The following PCDHA5 variants were observed in gnomAD, a reference collection of about 807,000 sequenced individuals.
The protein encoded by PCDHA5 is protocadherin alpha-5.
Under a neutral mutation model 61.6 loss-of-function variants are expected in PCDHA5, and 43 were observed. The ratio of observed to expected loss-of-function variants is 0.70; its 90% CI spans 0.55 to 0.90. The LOEUF (loss-of-function observed/expected upper bound fraction) is 0.90, where lower values mean the gene tolerates loss of function less well. Among genes scored for constraint, PCDHA5 ranks in the 40% least tolerant of loss-of-function variants. The probability of loss-of-function intolerance (pLI) is 0.00; values close to 1 mark genes in which losing one functional copy is unlikely to be tolerated. For missense variants in PCDHA5, 1,298 were observed against 1,222.7 expected, an observed-to-expected ratio of 1.06 and a Z score of -0.92; for synonymous variants, 627 against 543.9, an observed-to-expected ratio of 1.15 and a Z score of -2.13.
At position 140,822,934 on chromosome 5, in the gene PCDHA5, T is replaced by C; in HGVS notation, c.1159T>C (p.Ser387Pro). Residue 387 changes from serine (S) to proline (P), a missense_variant, in exon 1 of 4, where the codon TCC becomes CCC. By Grantham distance (74) the Ser-to-Pro change is moderately conservative. Coordinates refer to ENST00000529859, the MANE Select transcript of PCDHA5 (RefSeq NM_018908.3). ...DSGANGQVTC[S>P]LMPHVPFKLV... ...AGGTGCCAACGGGCAGGTGACCTGC[T>C]CCCTAATGCCCCACGTTCCCTTCAA... The C allele has an allele frequency of 6.2e-7, 1 of 1,614,238 alleles. No homozygotes were observed. The highest frequency in any genetic ancestry group is 8.5e-7 in the Non-Finnish European group (1 of 1,180,038).
At chr5:140,834,109 A>G in intron 1 of PCDHA5, 1 of 406,184 alleles carries the variant, frequency 2.5e-6, no homozygotes, top group South Asian at 5.5e-5. Context: ...AAAAATTCAG[A>G]GTTTGAAATA....
At chr5:140,953,514 AC>A (rs1209488542) in intron 1 of PCDHA5, among the ~76,000 whole-genome samples, 2 of 152,136 alleles carry the variant, frequency 1.3e-5, no homozygotes, top group Non-Finnish European at 2.9e-5. Flanking sequence ...GGCCAAAGCA[AC>A]AAAAACGGGA....
At chr5:140,843,775 A>T (rs2150366589) in intron 1 of PCDHA5, 2 of 1,450,698 alleles carry the variant, frequency 1.4e-6, no homozygotes, top group East Asian at 4.6e-5. Context: ...AGTTACTTTA[A>T]AAGTGTTTCA....
In PCDHA5 at chr5:140,842,984, G is replaced by A. The variant is rs2150349206; in HGVS notation, c.2352+18857G>A. 26 of 1,594,918 alleles carry A rather than the reference G, an allele frequency of 1.6e-5. 1 individual carries two copies. The East Asian group carries it at 4.7e-4, about 29-fold the overall frequency. On this transcript the variant is annotated intron_variant, in intron 1 of 3. Coordinates refer to ENST00000529859, the MANE Select transcript of PCDHA5 (RefSeq NM_018908.3). ...CAGCAACGTGACGCTGCAGGTGTTCGTGCTGGACGAGAATGACAACGCGCC... is the reference window on the plus strand; with the variant it reads ...CAGCAACGTGACGCTGCAGGTGTTCATGCTGGACGAGAATGACAACGCGCC...
intron 3 of PCDHA5, among the ~76,000 whole-genome samples, chr5:140,997,130 C>T (rs1480730795): frequency 6.6e-6 from 1 of 151,984 alleles, no homozygotes; most frequent in Non-Finnish European, 1.5e-5. Flanking sequence ...TACACAATGC[C>T]CCCACACCCC....
chr5:140,941,673 A>T (rs1217189957), intron 1 of PCDHA5, among the ~76,000 whole-genome samples: 1 of 152,024 alleles, frequency 6.6e-6, no homozygotes, highest in Non-Finnish European at 1.5e-5. Context: ...TGTCAAGTTC[A>T]ATATTCTGTT....
At chr5:140,848,633 C>A in intron 1 of PCDHA5, 1 of 1,593,314 alleles carries the variant, frequency 6.3e-7, no homozygotes, top group Non-Finnish European at 8.6e-7. Flanking sequence ...CCTTCGTGGG[C>A]CGCATCGCGC....
chr5:140,871,493 A>C lies in PCDHA5; in HGVS notation c.2352+47366A>C, dbSNP rs968230550. 1.9e-6 allele frequency: 3 copies of C among 1,588,916 alleles called. No individual in the cohort carries two copies. In the African/African-American group the frequency reaches 4.0e-5, roughly 21 times the overall value. On this transcript the variant is annotated intron_variant, in intron 1 of 3. Coordinates refer to ENST00000529859, the MANE Select transcript of PCDHA5 (RefSeq NM_018908.3). Reference sequence around the variant, plus strand: ...GAGCCAGGGTCAAATCACCCCGGACAGGTGAGTTTTCTACAGATTCCACCT... The same window carrying C: ...GAGCCAGGGTCAAATCACCCCGGACCGGTGAGTTTTCTACAGATTCCACCT...
At chr5:140,937,316 C>T (rs1355509287) in intron 1 of PCDHA5, among the ~76,000 whole-genome samples, 7 of 152,044 alleles carry the variant, frequency 4.6e-5, no homozygotes, top group Admixed American at 3.9e-4. Context: ...GGATTACAGG[C>T]GTGAGCCACC....
intron 1 of PCDHA5, among the ~76,000 whole-genome samples, chr5:140,832,062 A>G (rs1554133455): frequency 6.6e-6 from 1 of 152,224 alleles, no homozygotes. Context: ...TACCAATTTA[A>G]TCTGAGATGT....
chr5:140,978,868 G>C (rs2096826928), intron 1 of PCDHA5, 81 bp from the exon 2 acceptor site: 2 of 1,606,078 alleles, frequency 1.2e-6, no homozygotes, highest in Non-Finnish European at 1.7e-6. Context: ...ATATTTAAGG[G>C]AGTAACTAAT....
chr5:140,841,621 G>C (rs781902727), intron 1 of PCDHA5: 2 of 1,614,032 alleles, frequency 1.2e-6, no homozygotes, highest in African/African-American at 1.3e-5. Context: ...GGCGGAGCGC[G>C]GAGTGCAGCA....
intron 1 of PCDHA5, chr5:140,881,365 T>A (rs1216010175): frequency 1.0e-6 from 1 of 985,144 alleles, no homozygotes; most frequent in Non-Finnish European, 1.2e-6. Flanking sequence ...GGCTTTCGTA[T>A]GAATTGCAGC....
chr5:140,840,656 A>T (rs1281424347), intron 1 of PCDHA5, among the ~76,000 whole-genome samples: 3 of 152,078 alleles, frequency 2.0e-5, no homozygotes, highest in Non-Finnish European at 4.4e-5. Flanking sequence ...TGTAAAGAAT[A>T]TGCACATACA....
At chr5:140,885,328 A>G (rs2060562963) in intron 1 of PCDHA5, among the ~76,000 whole-genome samples, 1 of 152,114 alleles carries the variant, frequency 6.6e-6, no homozygotes, top group Non-Finnish European at 1.5e-5. Context: ...TTCTTTTCCA[A>G]AGTTTGAAGG....
At chr5:140,825,219 T>C (rs1394131939) in intron 1 of PCDHA5, 1 of 151,646 alleles carries the variant, frequency 6.6e-6, no homozygotes, top group East Asian at 1.9e-4. Flanking sequence ...AGTAGATTTG[T>C]TTTTCTTTTA....
rs1554144802 is a variant in PCDHA5, at chr5:140,850,697, T to G, written c.2352+26570T>G. ...TGCCCACCGAGGGCGAGTGCGCGCC[T>G]GGCAAGCCGACGCTGGTGTGTTCTA... On this transcript the variant is annotated intron_variant, in intron 1 of 3. Transcript: ENST00000529859. 18 of 1,596,928 alleles carry G rather than the reference T, an allele frequency of 1.1e-5. 1 individual carries two copies. The highest frequency in any genetic ancestry group is 3.4e-5 in the Admixed American group (2 of 59,142).
intron 1 of PCDHA5, chr5:140,835,759 A>T: frequency 6.2e-7 from 1 of 1,613,356 alleles, no homozygotes; most frequent in South Asian, 1.1e-5. Context: ...GCGCAGCCCG[A>T]GTATACGGTG....
intron 1 of PCDHA5, chr5:140,843,622 G>C (rs1249780500): frequency 1.3e-6 from 2 of 1,595,910 alleles, no homozygotes; most frequent in East Asian, 2.2e-5. Flanking sequence ...CACCGAAGAC[G>C]GACCTCATGG....
Sources: gnomAD v4.1 joint callset for allele counts (sites outside exome capture counted in the v4.1 genomes callset) on GRCh38, gnomAD v4.1.1 for gene constraint, MANE v1.5 for transcripts, NCBI Gene and HGNC (gene_info 2026-07-23, HGNC 2026-07-21) for gene names.